Variants in GPC6 observed in about 807,000 individuals in gnomAD.
The protein encoded by GPC6 is glypican-6.
In GPC6, 14 loss-of-function variants were observed where a neutral mutation model predicts 55.2. The ratio of observed to expected loss-of-function variants is 0.25; its 90% confidence interval spans 0.17 to 0.40. The LOEUF is 0.40. GPC6 is among the 10% of genes least tolerant of loss of function. GPC6 has a pLI of 1.00. For missense variants in GPC6, 641 were observed against 708.5 expected (o/e 0.90, Z 1.08); for synonymous variants, 278 against 259.6 (o/e 1.07, Z -0.68).
intron 3 of GPC6, among the ~76,000 whole-genome samples, chr13:93,854,879 G>T (rs565327339): frequency 7.4e-6 from 1 of 135,826 alleles, no homozygotes; most frequent in East Asian, 2.3e-4. Context: ...CTTTTTCAGA[G>T]CAGTTTTAGG....
chr13:94,263,954 G>T (rs1322528034), intron 4 of GPC6, among the ~76,000 whole-genome samples: 1 of 152,108 alleles, frequency 6.6e-6, no homozygotes, highest in East Asian at 1.9e-4. Flanking sequence ...TAGAGTGTAT[G>T]TGTCACTGTC....
chr13:94,399,523 A>G (rs986468531), intron 8 of GPC6, among the ~76,000 whole-genome samples: 6 of 152,242 alleles, frequency 3.9e-5, no homozygotes, highest in African/African-American at 1.4e-4. Flanking sequence ...ATTCTTGAAC[A>G]TAAGATGTGA....
intron 3 of GPC6, among the ~76,000 whole-genome samples, chr13:94,025,969 A>G (rs1882881104): frequency 6.6e-6 from 1 of 152,194 alleles, no homozygotes; most frequent in Non-Finnish European, 1.5e-5. Flanking sequence ...AAAATGAGGT[A>G]GGTTAATGAG....
At chr13:93,447,358 C>A (rs1028472419) in intron 1 of GPC6, among the ~76,000 whole-genome samples, 1 of 152,094 alleles carries the variant, frequency 6.6e-6, no homozygotes, top group Non-Finnish European at 1.5e-5. Flanking sequence ...ATTATGTTAA[C>A]CTTTTTTTTC....
At chr13:93,441,007 C>A (rs1877776079) in intron 1 of GPC6, among the ~76,000 whole-genome samples, 1 of 152,112 alleles carries the variant, frequency 6.6e-6, no homozygotes, top group Admixed American at 6.5e-5. Context: ...ATCCATGTCC[C>A]TACAAAGGAC....
At chr13:93,559,903 A>G (rs1875677872) in intron 2 of GPC6, among the ~76,000 whole-genome samples, 1 of 152,126 alleles carries the variant, frequency 6.6e-6, no homozygotes, top group African/African-American at 2.4e-5. Flanking sequence ...GTTAATATTG[A>G]GCCAAGTTTA....
chr13:93,904,350 A>G (rs1418354023), intron 3 of GPC6, among the ~76,000 whole-genome samples: 6 of 152,194 alleles, frequency 3.9e-5, no homozygotes, highest in African/African-American at 1.4e-4. Context: ...TATTGTAGGA[A>G]GACATGCAGG....
At chr13:93,499,091 T>TCTCA (rs111757013) in intron 1 of GPC6, among the ~76,000 whole-genome samples, 1 of 133,626 alleles carries the variant, frequency 7.5e-6, no homozygotes, top group African/African-American at 2.5e-5. Context: ...TCCTTAATTG[T>TCTCA]CACACACACA....
intron 1 of GPC6, among the ~76,000 whole-genome samples, chr13:93,454,567 G>A (rs1878364719): frequency 6.6e-6 from 1 of 151,358 alleles, no homozygotes; most frequent in African/African-American, 2.4e-5. Flanking sequence ...GTGCTGAGTG[G>A]TGTGTTTACA....
At chr13:93,663,353 A>G (rs1449339587) in intron 2 of GPC6, among the ~76,000 whole-genome samples, 2 of 152,180 alleles carry the variant, frequency 1.3e-5, no homozygotes, top group African/African-American at 2.4e-5. Context: ...CTATGTGTCA[A>G]GTTGATGTTC....
chr13:93,882,207 T>G (rs1875034091), intron 3 of GPC6, among the ~76,000 whole-genome samples: 1 of 152,016 alleles, frequency 6.6e-6, no homozygotes, highest in African/African-American at 2.4e-5. Flanking sequence ...AAAGCTGGAG[T>G]GCAGTGGCAT....
At chr13:93,220,250 T>A in the GPC6 span, among the ~76,000 whole-genome samples, 2 of 152,218 alleles carry the variant, frequency 1.3e-5, no homozygotes, top group African/African-American at 2.4e-5. Flanking sequence ...TGTGTTGTTA[T>A]CCACTTGCCT....
intron 2 of GPC6, among the ~76,000 whole-genome samples, chr13:93,793,721 AGTT>A (rs1886117330): frequency 6.6e-6 from 1 of 152,208 alleles, no homozygotes; most frequent in African/African-American, 2.4e-5. Flanking sequence ...AAATACTAGT[AGTT>A]ATCAAATAAA....
At chr13:94,244,781 G>A (rs185457960) in intron 4 of GPC6, among the ~76,000 whole-genome samples, 1 of 151,994 alleles carries the variant, frequency 6.6e-6, no homozygotes, top group Non-Finnish European at 1.5e-5. Context: ...GCTGAAAAGA[G>A]GCAGAATGTG....
At chr13:94,078,745 A>T (rs1376149706) in intron 4 of GPC6, among the ~76,000 whole-genome samples, 1 of 152,020 alleles carries the variant, frequency 6.6e-6, no homozygotes, top group African/African-American at 2.4e-5. Context: ...AGACTGACAC[A>T]GTAATAAAAA....
At chr13:93,285,616 CTGTGTGTGTGTG>C (rs754671051) in intron 1 of GPC6, among the ~76,000 whole-genome samples, 27 of 103,532 alleles carry the variant, frequency 2.6e-4, no homozygotes, top group Non-Finnish European at 4.4e-4. Flanking sequence ...GTATATACTG[CTGTGTGTGTGTG>C]TGTGTGTGTG....
chr13:93,853,826 GT>G (rs1212936275), intron 3 of GPC6, among the ~76,000 whole-genome samples: 11 of 151,060 alleles, frequency 7.3e-5, no homozygotes, highest in African/African-American at 2.7e-4. Context: ...TTGTGTTATT[GT>G]TGTCCTCACG....
At chr13:94,285,735 T>C (rs1892511106) in intron 4 of GPC6, among the ~76,000 whole-genome samples, 1 of 152,198 alleles carries the variant, frequency 6.6e-6, no homozygotes, top group South Asian at 2.1e-4. Context: ...TCAACTTTTT[T>C]GAGAGCTTAT....
chr13:94,102,706 A>G (rs1330175920), intron 4 of GPC6, among the ~76,000 whole-genome samples: 1 of 152,122 alleles, frequency 6.6e-6, no homozygotes, highest in Non-Finnish European at 1.5e-5. Context: ...CGATATTCCC[A>G]GTATAACACT....
Sources: gnomAD v4.1 joint callset for allele counts (sites outside exome capture counted in the v4.1 genomes callset) on GRCh38, gnomAD v4.1.1 for gene constraint, MANE v1.5 for transcripts, NCBI Gene and HGNC (gene_info 2026-07-23, HGNC 2026-07-21) for gene names.